The following AKAP13 variants were observed in gnomAD, a reference collection of about 807,000 sequenced individuals.
The protein encoded by AKAP13 is A-kinase anchor protein 13.
AKAP13 carries 80 observed loss-of-function variants against 264.5 expected under a neutral mutation model. The ratio of observed to expected loss-of-function variants is 0.30; its 90% CI spans 0.25 to 0.36. The LOEUF is 0.36. AKAP13 is among the 10% of genes least tolerant of loss of function. The pLI is 1.00. For synonymous variants in AKAP13, 1,380 were observed against 1,250.2 expected (o/e 1.10, Z -2.19); for missense variants, 3,712 against 3,435.2 (o/e 1.08, Z -2.01).
Position 85,521,301 on chromosome 15 carries a change from G to A in AKAP13, c.34-127G>A. ...GTGCTCAATCTTTATACTTGTTTCA[G>A]CTTACCAGAATGGGGGCATGGTTTA... On this transcript the variant is annotated intron_variant, in intron 2 of 36. Coordinates refer to ENST00000394518, the MANE Select transcript of AKAP13 (RefSeq NM_007200.5). The A allele has an allele frequency of 4.4e-6, 5 of 1,134,552 alleles. No individual in the cohort carries two copies. The South Asian group carries it at 7.4e-5, about 17-fold the overall frequency. The allele number at this position is 1,134,552 out of a possible 1,614,324, so 70.3% of individuals were successfully genotyped here.
At position 85,662,397 on chromosome 15, in the gene AKAP13, G is replaced by T. The variant is rs2083397391; in HGVS notation, c.4800-2166G>T. ...TTGATGTCATCCCCAGTATGAGCTG[G>T]TGCCCCTCTGGTGTGCAGTACTCTG... is the stretch of plus-strand genomic sequence containing the variant. On this transcript the variant is annotated intron_variant, in intron 12 of 36. Transcript: ENST00000394518. 5 of 1,614,032 alleles carry T rather than the reference G, an allele frequency of 3.1e-6. 1 individual carries two copies. In the East Asian group the frequency reaches 8.9e-5, roughly 29 times the overall value.
In AKAP13 at chr15:85,462,995, G is replaced by A. The variant is rs867389652; in HGVS notation, c.-11-22715G>A. 6.5e-4 allele frequency among the ~76,000 whole-genome samples: 88 copies of A among 135,820 alleles called. No homozygotes were observed. The South Asian group carries it at 0.017, about 26-fold the overall frequency. 89.1% of individuals were successfully genotyped at this position (135,820 alleles called of 152,430 possible). A position where few individuals can be genotyped will look rare whatever the true frequency, so the allele number is the denominator to read the frequency against. On this transcript the variant is annotated intron_variant, in intron 1 of 36. Transcript: ENST00000394518. ...GCCGAGATCCCGCCACTGCACTCCAGCCTGGGCGACAGAGCGAGACTCCGT... is the reference window on the plus strand; with the variant it reads ...GCCGAGATCCCGCCACTGCACTCCAACCTGGGCGACAGAGCGAGACTCCGT...
intron 19 of AKAP13, among the ~76,000 whole-genome samples, chr15:85,713,913 T>A (rs1345801228): frequency 2.0e-5 from 3 of 152,138 alleles, no homozygotes; most frequent in Non-Finnish European, 4.4e-5. Context: ...GCAAATTAGA[T>A]CTCCAGTTTC....
intron 1 of AKAP13, among the ~76,000 whole-genome samples, chr15:85,390,842 A>G (rs970954014): frequency 1.3e-5 from 2 of 152,216 alleles, no homozygotes; most frequent in Admixed American, 1.3e-4. Context: ...AACTGGGTAA[A>G]TGGGGAAGAT....
intron 16 of AKAP13, among the ~76,000 whole-genome samples, chr15:85,692,481 A>AGTG (rs1217794374): frequency 6.7e-5 from 10 of 149,852 alleles, no homozygotes; most frequent in Non-Finnish European, 1.0e-4. Flanking sequence ...GAGTAGTAGT[A>AGTG]GTGGTGGTGG....
chr15:85,411,531 G>A (rs1286596730), intron 1 of AKAP13, among the ~76,000 whole-genome samples: 1 of 152,000 alleles, frequency 6.6e-6, no homozygotes, highest in African/African-American at 2.4e-5. Context: ...TCCGCTTCCC[G>A]GGTTCACGCC....
At chr15:85,512,516 T>C (rs1412483199) in intron 2 of AKAP13, among the ~76,000 whole-genome samples, 2 of 152,134 alleles carry the variant, frequency 1.3e-5, no homozygotes, top group African/African-American at 4.8e-5. Context: ...TCCCCACACC[T>C]AACTGTGTCT....
At chr15:85,701,272 C>G (rs868711147) in intron 17 of AKAP13, 8 of 151,886 alleles carry the variant, frequency 5.3e-5, no homozygotes, top group Non-Finnish European at 1.5e-5. Context: ...AGACTAAAGT[C>G]TTTTCTGTTT....
chr15:85,601,648 G>GTGTGTGTGTGTGTT (rs1228684653), intron 8 of AKAP13, among the ~76,000 whole-genome samples: 6 of 147,768 alleles, frequency 4.1e-5, no homozygotes, highest in Non-Finnish European at 7.5e-5. Flanking sequence ...GTGTGTGTGT[G>GTGTGTGTGTGTGTT]TTTTTCTTCC....
At chr15:85,742,455 G>A (rs1010969508) in intron 35 of AKAP13, among the ~76,000 whole-genome samples, 1 of 152,144 alleles carries the variant, frequency 6.6e-6, no homozygotes, top group South Asian at 2.1e-4. Context: ...GGATCGGTGG[G>A]AGGCAGTTAC....
At chr15:85,600,885 C>G (rs572694722) in intron 8 of AKAP13, among the ~76,000 whole-genome samples, 1 of 152,252 alleles carries the variant, frequency 6.6e-6, no homozygotes, top group Non-Finnish European at 1.5e-5. Flanking sequence ...GTGGGAAGAC[C>G]CTCTTACAAT....
At chr15:85,588,447 A>T (rs1186223419) in intron 8 of AKAP13, among the ~76,000 whole-genome samples, 2 of 152,226 alleles carry the variant, frequency 1.3e-5, no homozygotes, top group South Asian at 2.1e-4. Context: ...AAAAACTCAC[A>T]TCCTTGAATT....
chr15:85,483,934 G>A (rs1186393088), intron 1 of AKAP13, among the ~76,000 whole-genome samples: 2 of 151,978 alleles, frequency 1.3e-5, no homozygotes, highest in Non-Finnish European at 2.9e-5. Context: ...TTCTTCCAGC[G>A]TGGCCCAGGG....
chr15:85,729,716 C>T (rs529858078), intron 29 of AKAP13, among the ~76,000 whole-genome samples: 3 of 152,130 alleles, frequency 2.0e-5, no homozygotes, highest in African/African-American at 7.2e-5. Context: ...GCGGGCAGAT[C>T]ACCCAAGGTC....
intron 8 of AKAP13, among the ~76,000 whole-genome samples, chr15:85,590,843 A>G (rs2079551419): frequency 6.6e-6 from 1 of 152,170 alleles, no homozygotes. Flanking sequence ...TAGTGAGTTA[A>G]TATATATCAA....
chr15:85,534,833 A>G (rs2151193529), intron 4 of AKAP13: 1 of 152,282 alleles, frequency 6.6e-6, no homozygotes, highest in East Asian at 1.9e-4. Context: ...CATCTACTTG[A>G]TGTCATAATT....
Position 85,638,363 on chromosome 15 carries a change from G to A in AKAP13, c.4162-1011G>A, listed in dbSNP as rs1197255686. Among the ~76,000 whole-genome samples, 7 of 152,132 alleles carry A rather than the reference G, an allele frequency of 4.6e-5. No homozygotes were observed. The South Asian group carries it at 1.5e-3, about 32-fold the overall frequency. ...GTTTTATTTGAGGTTTGTTTTATGT[G>A]ATACAATATGAACATTTGTTTTATT... On this transcript the variant is annotated intron_variant, in intron 8 of 36. Transcript: ENST00000394518.
At chr15:85,669,245 AT>A (rs535367326) in intron 13 of AKAP13, among the ~76,000 whole-genome samples, 6 of 152,148 alleles carry the variant, frequency 3.9e-5, no homozygotes, top group African/African-American at 4.8e-5. Flanking sequence ...CTAAAAAAAA[AT>A]AATAATAAAT....
At chr15:85,736,308 C>G (rs759331844) in intron 33 of AKAP13, among the ~76,000 whole-genome samples, 174 bp downstream of exon 33, 2 of 151,564 alleles carry the variant, frequency 1.3e-5, no homozygotes, top group Non-Finnish European at 2.9e-5. Context: ...TTTCCCCTGT[C>G]TTTGGTCCTA....
Sources: allele counts gnomAD v4.1 joint callset (sites outside exome capture counted in the v4.1 genomes callset), GRCh38; gene constraint gnomAD v4.1.1; transcripts MANE v1.5; gene names NCBI Gene and HGNC (gene_info 2026-07-23, HGNC 2026-07-21).